The following FAIM variants were observed in gnomAD, a reference collection of about 807,000 sequenced individuals.
The protein encoded by FAIM is fas apoptotic inhibitory molecule 1.
Under a neutral mutation model 21.2 loss-of-function variants are expected in FAIM, and 14 were observed. That is an observed-to-expected ratio of 0.66 (90% CI 0.44 to 1.03). The LOEUF (loss-of-function observed/expected upper bound fraction) is 1.03, where lower values mean the gene tolerates loss of function less well. Among genes scored for constraint, FAIM ranks in the 50% least tolerant of loss-of-function variants. FAIM has a pLI of 0.00. For missense variants in FAIM, 222 were observed against 247.1 expected (o/e 0.90, Z 0.68); for synonymous variants, 86 against 80.4 (o/e 1.07, Z -0.37).
chr3:138,627,018 GGTT>G (rs2042946414), intron 4 of FAIM, among the ~76,000 whole-genome samples: 1 of 151,674 alleles, frequency 6.6e-6, no homozygotes, highest in Non-Finnish European at 1.5e-5. Context: ...ATTTTCTTTT[GGTT>G]GTTGGTCTTT....
At position 138,623,144 on chromosome 3, in the gene FAIM, A is replaced by G. The variant is rs180908455; in HGVS notation, c.406+728A>G. 2.0e-5 allele frequency among the ~76,000 whole-genome samples: 3 copies of G among 152,312 alleles called. No homozygotes were observed. The East Asian group carries it at 5.8e-4, about 29-fold the overall frequency. ...TGGAAATTTAGGATTTATCAGTAAG[A>G]AAGCAATATTTTCCTAGATAACAAT... On this transcript the variant is annotated intron_variant, in intron 4 of 5. Coordinates refer to ENST00000360570, the MANE Select transcript of FAIM (RefSeq NM_001033031.2).
intron 1 of FAIM, among the ~76,000 whole-genome samples, chr3:138,613,861 T>C (rs943898495): frequency 2.0e-5 from 3 of 152,210 alleles, no homozygotes; most frequent in Non-Finnish European, 2.9e-5. Context: ...TATCTAAGAA[T>C]CCATTGCCAA....
At chr3:138,616,521 C>T (rs376770240) in intron 1 of FAIM, among the ~76,000 whole-genome samples, 7 of 152,130 alleles carry the variant, frequency 4.6e-5, no homozygotes, top group African/African-American at 1.4e-4. Flanking sequence ...ACTATAGGCA[C>T]GTGCCACCAC....
chr3:138,628,837 C>G (rs1010152675), intron 4 of FAIM, among the ~76,000 whole-genome samples: 1 of 152,092 alleles, frequency 6.6e-6, no homozygotes, highest in African/African-American at 2.4e-5. Context: ...TTTCATAAGG[C>G]TTCATCAATT....
At chr3:138,615,176 C>G (rs2042813838) in intron 1 of FAIM, among the ~76,000 whole-genome samples, 1 of 152,190 alleles carries the variant, frequency 6.6e-6, no homozygotes, top group Non-Finnish European at 1.5e-5. Context: ...TCTTGGCTGT[C>G]TCCTGTAATT....
chr3:138,609,607 TCTCTCGA>T (rs1444932235), intron 1 of FAIM, among the ~76,000 whole-genome samples: 1 of 84,124 alleles, frequency 1.2e-5, no homozygotes, highest in African/African-American at 5.5e-5. Flanking sequence ...TCTCTCTCTC[TCTCTCGA>T]CTCTCTCTCT....
chr3:138,618,865 G>A (rs970108732), intron 1 of FAIM, among the ~76,000 whole-genome samples: 1 of 152,158 alleles, frequency 6.6e-6, no homozygotes, highest in African/African-American at 2.4e-5. Context: ...TTTGGCAGGA[G>A]TGAAACTGTT....
chr3:138,621,456 G>T lies in FAIM; in HGVS notation c.94G>T (p.Val32Phe). Reference sequence around the variant, plus strand: ...GACAGATCTCGTAGCTGTTTGGGATGTTGCTTTAAGTGACGGAGTCCACAA... The same window carrying T: ...GACAGATCTCGTAGCTGTTTGGGATTTTGCTTTAAGTGACGGAGTCCACAA... ...KMTDLVAVWD[V>F]ALSDGVHKIE... Residue 32 changes from valine (V) to phenylalanine (F), a missense_variant, in exon 3 of 6, where the codon GTT becomes TTT. Coordinates refer to ENST00000360570, the MANE Select transcript of FAIM (RefSeq NM_001033031.2). 6.2e-7 allele frequency: 1 copy of T among 1,613,926 alleles called. No individual in the cohort carries two copies.
chr3:138,618,384 G>T (rs533024143), intron 1 of FAIM, among the ~76,000 whole-genome samples: 1 of 151,870 alleles, frequency 6.6e-6, no homozygotes, highest in African/African-American at 2.4e-5. Flanking sequence ...TATCTTTTTG[G>T]CTGGGTATGT....
At chr3:138,612,096 ATTTTTT>A (rs138371254) in intron 1 of FAIM, among the ~76,000 whole-genome samples, 5 of 100,810 alleles carry the variant, frequency 5.0e-5, no homozygotes, top group African/African-American at 1.9e-4. Flanking sequence ...TTGTCTGGCT[ATTTTTT>A]TTTTTTTTTT....
intron 1 of FAIM, 71 bp from the exon 2 acceptor site, chr3:138,619,640 T>C: frequency 7.2e-7 from 1 of 1,391,260 alleles, no homozygotes; most frequent in Non-Finnish European, 1.0e-6. Context: ...GTAGATGTCA[T>C]CATTGTTGCT....
At chr3:138,631,301 G>T (rs1008661951) in intron 5 of FAIM, among the ~76,000 whole-genome samples, 1 of 151,822 alleles carries the variant, frequency 6.6e-6, no homozygotes, top group Admixed American at 6.6e-5. Flanking sequence ...CCTGGTCCCC[G>T]CTGCTCAGGA....
At chr3:138,631,199 A>G (rs1215238952) in intron 5 of FAIM, 1 of 151,372 alleles carries the variant, frequency 6.6e-6, no homozygotes, top group Non-Finnish European at 1.5e-5. Context: ...GGATCATTTG[A>G]GGCCAGGAGC....
chr3:138,617,252 G>C (rs2042834323), intron 1 of FAIM, among the ~76,000 whole-genome samples: 1 of 151,340 alleles, frequency 6.6e-6, no homozygotes, highest in African/African-American at 2.4e-5. Context: ...CTACATTACT[G>C]AACTTTCTAG....
chr3:138,621,199 ACC>A, intron 2 of FAIM: 1 of 549,190 alleles, frequency 1.8e-6, no homozygotes, highest in Non-Finnish European at 3.2e-6. Flanking sequence ...CGGACTATGT[ACC>A]CATATATAGT....
intron 4 of FAIM, among the ~76,000 whole-genome samples, chr3:138,627,480 CT>C (rs1398848184): frequency 2.0e-5 from 3 of 152,080 alleles, no homozygotes; most frequent in Non-Finnish European, 4.4e-5. Flanking sequence ...CGTGCCTGGC[CT>C]TTTTTTGTAC....
rs148150527 is a variant in FAIM, at chr3:138,620,951, T to G, written c.45-456T>G. Among the ~76,000 whole-genome samples the G allele has an allele frequency of 5.6e-3, 847 of 152,356 alleles. 4 individuals are homozygous for G. The highest frequency in any genetic ancestry group is 9.4e-3 in the Admixed American group (144 of 15,300). On this transcript the variant is annotated intron_variant, in intron 2 of 5. Coordinates refer to ENST00000360570, the MANE Select transcript of FAIM (RefSeq NM_001033031.2). Reference sequence around the variant, plus strand: ...GAACCTTTTTGTTAAAACAAATCCCTAGTGCGAGTTTAAGTATGGGAGGTT... The same window carrying G: ...GAACCTTTTTGTTAAAACAAATCCCGAGTGCGAGTTTAAGTATGGGAGGTT...
chr3:138,609,537 T>TCA (rs2042730027), intron 1 of FAIM, among the ~76,000 whole-genome samples: 1 of 6,286 alleles, frequency 1.6e-4, no homozygotes, highest in Non-Finnish European at 3.5e-4. Context: ...GCTGAAACTC[T>TCA]CTCTCTCTCT....
At chr3:138,617,809 C>T (rs1385883743) in intron 1 of FAIM, among the ~76,000 whole-genome samples, 1 of 144,426 alleles carries the variant, frequency 6.9e-6, no homozygotes, top group Non-Finnish European at 1.5e-5. Flanking sequence ...TTATTTTGGA[C>T]ATAGATACTA....
Sources: gnomAD v4.1 joint callset for allele counts (sites outside exome capture counted in the v4.1 genomes callset) on GRCh38, gnomAD v4.1.1 for gene constraint, MANE v1.5 for transcripts, NCBI Gene and HGNC (gene_info 2026-07-23, HGNC 2026-07-21) for gene names.